Variants in BEND7 observed in about 807,000 individuals in gnomAD.
BEND7 encodes the protein BEN domain containing 7, also known as BEN domain-containing protein 7.
BEND7 carries 28 observed loss-of-function variants against 50.9 expected under a neutral mutation model. The ratio of observed to expected loss-of-function variants is 0.55; its 90% CI spans 0.41 to 0.75. The LOEUF (loss-of-function observed/expected upper bound fraction) is 0.75. BEND7 is among the 30% of genes least tolerant of loss of function. The pLI is 0.00. For synonymous variants in BEND7, 170 were observed against 183.9 expected (o/e 0.92, Z 0.61); for missense variants, 477 against 491.3 (o/e 0.97, Z 0.28).
intron 3 of BEND7, among the ~76,000 whole-genome samples, chr10:13,497,424 C>T (rs918851389): frequency 6.6e-6 from 1 of 152,108 alleles, no homozygotes. Context: ...CTGGGTGTGG[C>T]GTTTGGGGTG....
intron 7 of BEND7, among the ~76,000 whole-genome samples, chr10:13,448,537 A>G (rs1836941716): frequency 6.6e-6 from 1 of 152,154 alleles, no homozygotes; most frequent in Admixed American, 6.5e-5. Flanking sequence ...ACGGCTAGAA[A>G]TATTGTATGG....
At chr10:13,457,835 C>G (rs538290024) in intron 6 of BEND7, among the ~76,000 whole-genome samples, 7 of 152,312 alleles carry the variant, frequency 4.6e-5, no homozygotes, top group African/African-American at 1.7e-4. Flanking sequence ...TGCATTAATG[C>G]ACTGAGTTTT....
At chr10:13,514,360 G>A (rs56091273) in intron 2 of BEND7, among the ~76,000 whole-genome samples, 406 of 152,300 alleles carry the variant, frequency 2.7e-3, no homozygotes, top group Non-Finnish European at 4.0e-3. Flanking sequence ...GGAGGCATCC[G>A]TGCAGTTCTC....
intron 6 of BEND7, among the ~76,000 whole-genome samples, chr10:13,477,339 T>A (rs1193337550): frequency 6.6e-6 from 1 of 152,204 alleles, no homozygotes; most frequent in Admixed American, 6.5e-5. Context: ...ACTGTATATT[T>A]AATATTTACA....
At position 13,528,548 on chromosome 10, in the gene BEND7, G is replaced by T; in HGVS notation, c.-15C>A. On this transcript the variant is annotated 5_prime_UTR_variant, in exon 1 of 9. Coordinates refer to ENST00000466271, the MANE Select transcript of BEND7 (RefSeq NM_001369863.1). ...GAGAACTCCATGGTGCGGGGAAGGC[G>T]GCGGCGGGGGCTGAGGAGGCGGCGG... 4 of 1,019,226 alleles carry T rather than the reference G, an allele frequency of 3.9e-6. No individual in the cohort carries two copies. The highest frequency in any genetic ancestry group is 4.7e-6 in the Non-Finnish European group (4 of 853,526). 63.1% of individuals were successfully genotyped at this position (1,019,226 alleles called of 1,614,324 possible). A position where few individuals can be genotyped will look rare whatever the true frequency, so the allele number is the denominator to read the frequency against.
In BEND7 at chr10:13,524,504, C is replaced by T. The variant is rs149530801; in HGVS notation, c.145+1634G>A. On this transcript the variant is annotated intron_variant, in intron 2 of 8. Coordinates refer to ENST00000466271, the MANE Select transcript of BEND7 (RefSeq NM_001369863.1). ...CTAAAAATACAAAAAATTAGCCAAG[C>T]GTGGTGGCAGGTGCTTGTAATCCCA... Among the ~76,000 whole-genome samples the T allele has an allele frequency of 2.8e-3, 419 of 151,936 alleles. 1 individual carries two copies. The highest frequency in any genetic ancestry group is 8.5e-3 in the African/African-American group (353 of 41,432).
In BEND7 at chr10:13,512,578, G is replaced by A. The variant is rs528523268; in HGVS notation, c.146-12498C>T. On this transcript the variant is annotated intron_variant, in intron 2 of 8. Transcript: ENST00000466271. ...TGAAATGCTGATCCTCTGCTCTCCTGTACAGAAAACTTCTAAGAGAGTCTT... is the reference window on the plus strand; with the variant it reads ...TGAAATGCTGATCCTCTGCTCTCCTATACAGAAAACTTCTAAGAGAGTCTT... Among the ~76,000 whole-genome samples, 102 of 152,284 alleles carry A rather than the reference G, an allele frequency of 6.7e-4. 1 individual carries two copies. The highest frequency in any genetic ancestry group is 1.9e-3 in the African/African-American group (80 of 41,554).
chr10:13,496,734 A>G, intron 4 of BEND7, 32 bp downstream of exon 4: 1 of 1,600,288 alleles, frequency 6.2e-7, no homozygotes, highest in Non-Finnish European at 8.5e-7. Flanking sequence ...ATTAAAAATC[A>G]AAGGACTCAT....
intron 8 of BEND7, chr10:13,447,006 G>C (rs1836481605): frequency 2.0e-6 from 1 of 500,144 alleles, no homozygotes; most frequent in Non-Finnish European, 3.5e-6. Flanking sequence ...GAGGCAAAAT[G>C]TTATGATACT....
chr10:13,439,306 G>A (rs748421070), downstream of BEND7: 5 of 1,614,024 alleles, frequency 3.1e-6, no homozygotes, highest in African/African-American at 6.7e-5. Flanking sequence ...TTGAAGTCTT[G>A]GCTGGTTTGG....
At chr10:13,458,105 C>G (rs893476298) in intron 6 of BEND7, among the ~76,000 whole-genome samples, 1 of 152,190 alleles carries the variant, frequency 6.6e-6, no homozygotes, top group Non-Finnish European at 1.5e-5. Context: ...TGTTAAGTCA[C>G]CAGAGAAATG....
Position 13,492,632 on chromosome 10 carries a change from A to T in BEND7, c.816T>A (p.Val272=). 6.2e-7 allele frequency: 1 copy of T among 1,614,070 alleles called. No individual in the cohort carries two copies. Among genetic ancestry groups the T allele is most frequent in the Non-Finnish European group, 8.5e-7 (1 of 1,180,016 alleles). Residue 272 remains valine, a synonymous_variant, in exon 5 of 9, where the codon GTT becomes GTA. Coordinates refer to ENST00000466271, the MANE Select transcript of BEND7 (RefSeq NM_001369863.1). ...TTACATCTGAGGAAGGTGATTCCAG[A>T]ACAATGCCGAATCCTAGAACGCGGC... ...EESRVLGFGI[V]LESPSSDPEV...
intron 8 of BEND7, 68 bp from the exon 9 acceptor site, chr10:13,441,818 A>G (rs893006266): frequency 6.7e-7 from 1 of 1,485,378 alleles, no homozygotes; most frequent in Non-Finnish European, 9.4e-7. Context: ...AAAAAGGCTA[A>G]CAAAAAGGTA....
intron 2 of BEND7, among the ~76,000 whole-genome samples, chr10:13,518,184 T>G (rs537616662): frequency 6.6e-6 from 1 of 152,352 alleles, no homozygotes; most frequent in African/African-American, 2.4e-5. Flanking sequence ...TATCACACTT[T>G]TCATTTATAG....
At position 13,477,967 on chromosome 10, in the gene BEND7, C is replaced by T. The variant is rs554502209; in HGVS notation, c.1063+2932G>A. Reference sequence around the variant, plus strand: ...CAGTCAAGTCTATGAAATAAACTGACGGCAGATAAGTTAACAGGAGAGAAG... The same window carrying T: ...CAGTCAAGTCTATGAAATAAACTGATGGCAGATAAGTTAACAGGAGAGAAG... On this transcript the variant is annotated intron_variant, in intron 6 of 8. Transcript: ENST00000466271. 6.0e-4 allele frequency among the ~76,000 whole-genome samples: 92 copies of T among 152,204 alleles called. 1 individual carries two copies. The highest frequency in any genetic ancestry group is 9.6e-4 in the Non-Finnish European group (65 of 68,022).
intron 2 of BEND7, among the ~76,000 whole-genome samples, chr10:13,521,823 G>A (rs1023663660): frequency 1.3e-5 from 2 of 152,200 alleles, no homozygotes; most frequent in African/African-American, 2.4e-5. Context: ...TTTTACAGAC[G>A]GACCTGCCGA....
chr10:13,519,425 G>C (rs964830660), intron 2 of BEND7, among the ~76,000 whole-genome samples: 1 of 151,896 alleles, frequency 6.6e-6, no homozygotes, highest in East Asian at 1.9e-4. Flanking sequence ...GCAGTGAGCC[G>C]AGATGGCGCC....
chr10:13,447,486 T>A lies in BEND7; in HGVS notation c.1184-170A>T, dbSNP rs561395141. On this transcript the variant is annotated intron_variant, in intron 7 of 8. Coordinates refer to ENST00000466271, the MANE Select transcript of BEND7 (RefSeq NM_001369863.1). The stretch of plus-strand genomic sequence containing the variant: ...TATTACAGATGTTAATATCATTATT[T>A]GAATATTTTTTGATGATGGTGATAT... 8.5e-5 allele frequency among the ~76,000 whole-genome samples: 13 copies of A among 152,228 alleles called. No individual in the cohort carries two copies. In the South Asian group the frequency reaches 2.7e-3, roughly 32 times the overall value.
At chr10:13,517,809 G>A (rs1479235177) in intron 2 of BEND7, among the ~76,000 whole-genome samples, 1 of 152,180 alleles carries the variant, frequency 6.6e-6, no homozygotes, top group South Asian at 2.1e-4. Flanking sequence ...CTCAGGAGCC[G>A]AAAGGCACCG....
Sources: allele counts gnomAD v4.1 joint callset (sites outside exome capture counted in the v4.1 genomes callset), GRCh38; gene constraint gnomAD v4.1.1; transcripts MANE v1.5; gene names NCBI Gene and HGNC (gene_info 2026-07-23, HGNC 2026-07-21).